DCC: variants seen among roughly 807,000 people sequenced by gnomAD.
The protein encoded by DCC is netrin receptor DCC.
DCC carries 58 observed loss-of-function variants against 172.5 expected under a neutral mutation model. The ratio of observed to expected loss-of-function variants is 0.34; its 90% CI spans 0.27 to 0.42. The LOEUF is 0.42. DCC is among the 10% of genes least tolerant of loss of function. The pLI, the probability that DCC is intolerant of heterozygous loss-of-function variation, is 1.00. For missense variants in DCC, 1,740 were observed against 1,791.0 expected (o/e 0.97, Z 0.51); for synonymous variants, 709 against 644.5 (o/e 1.10, Z -1.52).
At chr18:52,932,926 C>T (rs115931872) in intron 5 of DCC, among the ~76,000 whole-genome samples, 249 of 152,064 alleles carry the variant, frequency 1.6e-3, no homozygotes, top group African/African-American at 5.8e-3. Flanking sequence ...GGTTCTGATT[C>T]TGCAAATAGA....
intron 9 of DCC, among the ~76,000 whole-genome samples, chr18:53,188,411 T>C (rs1483042949): frequency 6.6e-6 from 1 of 152,202 alleles, no homozygotes; most frequent in Non-Finnish European, 1.5e-5. Flanking sequence ...CTGCTGTTTG[T>C]TTTTGGGGAA....
At chr18:53,204,188 GA>G (rs67046082) in intron 9 of DCC, among the ~76,000 whole-genome samples, 1 of 150,296 alleles carries the variant, frequency 6.7e-6, no homozygotes, top group African/African-American at 2.5e-5. Flanking sequence ...AGGGAAAAAA[GA>G]AAAAAAAACC....
chr18:52,449,142 A>G (rs11659920), intron 1 of DCC, among the ~76,000 whole-genome samples: 1 of 152,190 alleles, frequency 6.6e-6, no homozygotes, highest in African/African-American at 2.4e-5. Flanking sequence ...AAAACTCCCC[A>G]TTATAAAACC....
intron 1 of DCC, among the ~76,000 whole-genome samples, chr18:52,501,915 T>G (rs568107157): frequency 1.3e-5 from 2 of 152,226 alleles, no homozygotes; most frequent in Non-Finnish European, 2.9e-5. Context: ...ACACGGATAG[T>G]GCAGTTAAAA....
At chr18:52,422,644 T>G (rs2144439148) in intron 1 of DCC, among the ~76,000 whole-genome samples, 1 of 152,212 alleles carries the variant, frequency 6.6e-6, no homozygotes, top group Admixed American at 6.5e-5. Context: ...CATTCCAGGA[T>G]GACACAAAAA....
chr18:53,129,830 TTTTCA>T (rs1425614355), intron 7 of DCC, among the ~76,000 whole-genome samples: 13 of 152,144 alleles, frequency 8.5e-5, no homozygotes, highest in African/African-American at 3.1e-4. Context: ...AGCACTTATG[TTTTCA>T]TTTCTTTTGG....
intron 1 of DCC, among the ~76,000 whole-genome samples, chr18:52,439,984 C>A (rs1293077364): frequency 6.6e-6 from 1 of 152,186 alleles, no homozygotes; most frequent in African/African-American, 2.4e-5. Flanking sequence ...GAAGGCACAA[C>A]ATGCAATGTC....
rs1042926184 is a variant in DCC, at chr18:52,950,720, C to T, written c.985+25350C>T. On this transcript the variant is annotated intron_variant, in intron 5 of 28. Transcript: ENST00000442544. Reference sequence around the variant, plus strand: ...GGGGTGGATCACGAGGTCAGGAGATCGAGACCATCCTGGCTAACACGGTGA... The same window carrying T: ...GGGGTGGATCACGAGGTCAGGAGATTGAGACCATCCTGGCTAACACGGTGA... Among the ~76,000 whole-genome samples the T allele has an allele frequency of 5.9e-5, 9 of 151,400 alleles. No individual in the cohort carries two copies. In the East Asian group the frequency reaches 1.6e-3, roughly 26 times the overall value.
In DCC at chr18:52,481,801, T is replaced by G. The variant is rs1451147534; in HGVS notation, c.91+140923T>G. 3.9e-5 allele frequency among the ~76,000 whole-genome samples: 6 copies of G among 152,228 alleles called. No individual in the cohort carries two copies. The East Asian group carries it at 1.2e-3, about 29-fold the overall frequency. ...AAATGGGGATAATAACACCTCCCCA[T>G]GAGATCGTTTTGAAGAAAAATAAAT... is the stretch of plus-strand genomic sequence containing the variant. On this transcript the variant is annotated intron_variant, in intron 1 of 28. Coordinates refer to ENST00000442544, the MANE Select transcript of DCC (RefSeq NM_005215.4).
At chr18:53,036,323 G>C (rs2143978920) in intron 5 of DCC, among the ~76,000 whole-genome samples, 1 of 152,064 alleles carries the variant, frequency 6.6e-6, no homozygotes, top group East Asian at 1.9e-4. Context: ...TGAGTATCTT[G>C]CAAAATTTGC....
chr18:53,366,620 A>G (rs1253326500), intron 15 of DCC, among the ~76,000 whole-genome samples: 2 of 152,160 alleles, frequency 1.3e-5, no homozygotes, highest in Non-Finnish European at 2.9e-5. Flanking sequence ...CCTCTTCTGG[A>G]AGAAATTTTC....
rs869070422 is a variant in DCC at position 53,023,401 on chromosome 18, C to CAAAAAAAAA, written c.986-39884_986-39876dup. Among the ~76,000 whole-genome samples the CAAAAAAAAA allele has an allele frequency of 6.2e-3, 151 of 24,384 alleles. 25 individuals are homozygous for CAAAAAAAAA. The highest frequency in any genetic ancestry group is 0.019 in the African/African-American group (99 of 5,172). 16.0% of individuals were successfully genotyped at this position (24,384 alleles called of 152,430 possible). ...GGACAAACACATATATAACTCAGAC[C>CAAAAAAAAA]AAAAAAAAAAAAAAAAAAAAAAAAA... On this transcript the variant is annotated intron_variant, in intron 5 of 28. Transcript: ENST00000442544.
rs891149024 is a variant in DCC at position 53,531,495 on chromosome 18, T to A, written c.*842T>A. 1.3e-5 allele frequency: 2 copies of A among 152,724 alleles called. No individual in the cohort carries two copies. The highest frequency in any genetic ancestry group is 2.9e-5 in the Non-Finnish European group (2 of 68,128). The allele number at this position is 152,724 out of a possible 1,614,324, so 9.5% of individuals were successfully genotyped here. The stretch of plus-strand genomic sequence containing the variant: ...GCTTTTGTGCCATACCACACTGTGA[T>A]ACAATTTCAAAGCTTCACTAAGGCC... On this transcript the variant is annotated 3_prime_UTR_variant, in exon 29 of 29. Coordinates refer to ENST00000442544, the MANE Select transcript of DCC (RefSeq NM_005215.4).
chr18:53,054,943 A>G (rs2042384032), intron 5 of DCC, among the ~76,000 whole-genome samples: 1 of 152,152 alleles, frequency 6.6e-6, no homozygotes. Context: ...TTGTCCTAAT[A>G]TTCTATAGGT....
intron 7 of DCC, among the ~76,000 whole-genome samples, chr18:53,070,548 G>A (rs113507207): frequency 0.017 from 2,623 of 152,128 alleles, 69 homozygotes; most frequent in African/African-American, 0.059. Context: ...TTCCACTTGG[G>A]CCCTGATTTG....
chr18:53,132,090 C>T lies in DCC; in HGVS notation c.1262-25266C>T, dbSNP rs143128025. On this transcript the variant is annotated intron_variant, in intron 7 of 28. Transcript: ENST00000442544. ...CTTTTATAGTGAAAGTGTGTCTTCT[C>T]GCTTTATTTATATACTTATAGAATC... Among the ~76,000 whole-genome samples the T allele has an allele frequency of 2.7e-4, 40 of 149,210 alleles. No homozygotes were observed. In the East Asian group the frequency reaches 6.8e-3, roughly 25 times the overall value.
intron 2 of DCC, among the ~76,000 whole-genome samples, chr18:52,866,531 G>A (rs1055476611): frequency 6.6e-6 from 1 of 152,098 alleles, no homozygotes; most frequent in Non-Finnish European, 1.5e-5. Flanking sequence ...AGCATGGAAT[G>A]TTTTTCCGTT....
chr18:52,376,109 G>A (rs1395546475), intron 1 of DCC, among the ~76,000 whole-genome samples: 1 of 152,118 alleles, frequency 6.6e-6, no homozygotes, highest in African/African-American at 2.4e-5. Flanking sequence ...GTAGGACGAT[G>A]GCTTGAACTA....
At chr18:52,712,239 G>A (rs1218487314) in intron 1 of DCC, among the ~76,000 whole-genome samples, 3 of 152,082 alleles carry the variant, frequency 2.0e-5, no homozygotes, top group Admixed American at 2.0e-4. Flanking sequence ...GATTACAGGT[G>A]TGAGGCATTG....
Sources: allele counts gnomAD v4.1 joint callset (sites outside exome capture counted in the v4.1 genomes callset), GRCh38; gene constraint gnomAD v4.1.1; transcripts MANE v1.5; gene names NCBI Gene and HGNC (gene_info 2026-07-23, HGNC 2026-07-21).